Variants in IFT57 observed in about 807,000 individuals in gnomAD.
IFT57 encodes intraflagellar transport protein 57 homolog.
IFT57 carries 59 observed loss-of-function variants against 56.8 expected under a neutral mutation model. That is an observed-to-expected ratio of 1.04 (90% confidence interval 0.84 to 1.29). IFT57 has a LOEUF of 1.29. Among genes scored for constraint, IFT57 ranks in the 50% most tolerant of loss-of-function variants. The pLI, the probability that IFT57 is intolerant of heterozygous loss-of-function variation, is 0.00. For synonymous variants in IFT57, 209 were observed against 186.1 expected (o/e 1.12, Z -1.00); for missense variants, 470 against 522.1 (o/e 0.90, Z 0.97).
At chr3:108,164,318 G>A (rs938199190) in intron 9 of IFT57, among the ~76,000 whole-genome samples, 5 of 151,972 alleles carry the variant, frequency 3.3e-5, no homozygotes, top group African/African-American at 1.2e-4. Flanking sequence ...TCTATCTGGC[G>A]ATTATACTAC....
chr3:108,169,720 C>T (rs918434495), intron 6 of IFT57, among the ~76,000 whole-genome samples: 9 of 151,888 alleles, frequency 5.9e-5, no homozygotes, highest in Non-Finnish European at 1.2e-4. Flanking sequence ...CCAGTTTTAT[C>T]CCTGATGAAC....
In IFT57 at chr3:108,191,550, G is replaced by T. The variant is rs370528818; in HGVS notation, c.748C>A (p.Leu250Met). 9.3e-6 allele frequency: 15 copies of T among 1,604,304 alleles called. No homozygotes were observed. In the African/African-American group the frequency reaches 1.3e-4, roughly 14 times the overall value. ...TTGTCAGTCCTAATCGTGACTTTCAGTTGCGGTAGTACACGTTCCACTTCT... is the reference window on the plus strand; with the variant it reads ...TTGTCAGTCCTAATCGTGACTTTCATTTGCGGTAGTACACGTTCCACTTCT... Reference protein sequence around the residue: ...SLEVERVLPQLKVTIRTDNKD... With the variant: ...SLEVERVLPQMKVTIRTDNKD... The change falls in exon 6 of 11, where the codon CTG (leucine) becomes ATG (methionine). Residue 250 changes from leucine to methionine, a missense_variant. Transcript: ENST00000264538.
intron 4 of IFT57, among the ~76,000 whole-genome samples, chr3:108,211,608 A>G (rs2080342939): frequency 1.3e-5 from 2 of 152,262 alleles, no homozygotes; most frequent in Non-Finnish European, 2.9e-5. Context: ...CAATAAGTAT[A>G]TGCAGAATGA....
chr3:108,198,743 G>A (rs1013122610), intron 5 of IFT57, among the ~76,000 whole-genome samples: 3 of 152,046 alleles, frequency 2.0e-5, no homozygotes, highest in African/African-American at 7.2e-5. Flanking sequence ...ACTCGGCCTC[G>A]TGTTTTTATT....
chr3:108,172,187 G>A (rs1038391031), intron 6 of IFT57, among the ~76,000 whole-genome samples: 1 of 151,828 alleles, frequency 6.6e-6, no homozygotes, highest in Non-Finnish European at 1.5e-5. Flanking sequence ...CTCGAAGCAT[G>A]AGTAGCATTT....
intron 6 of IFT57, among the ~76,000 whole-genome samples, chr3:108,173,733 ATTG>A (rs1042393308): frequency 2.0e-5 from 3 of 150,540 alleles, no homozygotes; most frequent in African/African-American, 7.3e-5. Flanking sequence ...AAGTCGAAAA[ATTG>A]TTAAGTTGAA....
rs199895727 is a variant in IFT57, at chr3:108,213,881, G to A, written c.585+50C>T. ...AAGTCTGGGGGAAATTAAGAGAATG[G>A]GAAGTGGCCGAAAGGTGAAAATGAA... is the stretch of plus-strand genomic sequence containing the variant. On this transcript the variant is annotated intron_variant, in intron 4 of 10. Transcript: ENST00000264538. 3.2e-3 allele frequency: 3,276 copies of A among 1,029,880 alleles called. 20 individuals are homozygous for A. The highest frequency in any genetic ancestry group is 3.5e-3 in the Non-Finnish European group (2,334 of 662,456). 63.8% of individuals were successfully genotyped at this position (1,029,880 alleles called of 1,614,324 possible).
At position 108,206,161 on chromosome 3, in the gene IFT57, T is replaced by G. The variant is rs1189345145; in HGVS notation, c.654+467A>C. Among the ~76,000 whole-genome samples, 7 of 145,030 alleles carry G rather than the reference T, an allele frequency of 4.8e-5. No homozygotes were observed. In the East Asian group the frequency reaches 1.4e-3, roughly 28 times the overall value. On this transcript the variant is annotated intron_variant, in intron 5 of 10. Transcript: ENST00000264538. Reference sequence around the variant, plus strand: ...GAAATATCTCATTGTATATGTACTTTTATAGATTAGATTTATTTCATAATT... The same window carrying G: ...GAAATATCTCATTGTATATGTACTTGTATAGATTAGATTTATTTCATAATT...
chr3:108,187,425 T>C (rs1434581868), intron 6 of IFT57, among the ~76,000 whole-genome samples: 1 of 152,128 alleles, frequency 6.6e-6, no homozygotes. Flanking sequence ...GCACATACAT[T>C]GAAATACATA....
rs572078973 is a variant in IFT57 at position 108,191,453 on chromosome 3, A to G, written c.777+68T>C. The G allele has an allele frequency of 3.7e-5, 39 of 1,063,758 alleles. No individual in the cohort carries two copies. The African/African-American group carries it at 6.0e-4, about 16-fold the overall frequency. 65.9% of individuals were successfully genotyped at this position (1,063,758 alleles called of 1,614,324 possible). ...TTTAATAATTTTTATAATTGGGAGT[A>G]CCCCTAACCCTGAAGTTTCCTTATA... On this transcript the variant is annotated intron_variant, in intron 6 of 10. Coordinates refer to ENST00000264538, the MANE Select transcript of IFT57 (RefSeq NM_018010.4).
At chr3:108,209,480 G>T (rs1412868055) in intron 4 of IFT57, among the ~76,000 whole-genome samples, 1 of 152,148 alleles carries the variant, frequency 6.6e-6, no homozygotes, top group Non-Finnish European at 1.5e-5. Flanking sequence ...ACAAGGGGTC[G>T]ACTTTTGATG....
intron 6 of IFT57, among the ~76,000 whole-genome samples, chr3:108,187,021 A>G (rs1188701565): frequency 6.6e-6 from 1 of 152,212 alleles, no homozygotes; most frequent in Non-Finnish European, 1.5e-5. Context: ...GTAAGCTATT[A>G]GTAGGTAAGT....
At chr3:108,208,318 C>G (rs1353718004) in intron 4 of IFT57, among the ~76,000 whole-genome samples, 2 of 152,150 alleles carry the variant, frequency 1.3e-5, no homozygotes, top group Non-Finnish European at 2.9e-5. Flanking sequence ...TAGTAAGAGT[C>G]TACTTAACAA....
At chr3:108,165,530 AAGC>A in intron 8 of IFT57, 37 bp from the exon 9 acceptor site, 1 of 1,536,208 alleles carries the variant, frequency 6.5e-7, no homozygotes, top group Non-Finnish European at 9.0e-7. Context: ...GGCAAATTCA[AAGC>A]AGCAGCAGAT....
intron 6 of IFT57, among the ~76,000 whole-genome samples, chr3:108,174,705 G>A (rs571365272): frequency 6.6e-6 from 1 of 151,764 alleles, no homozygotes; most frequent in Non-Finnish European, 1.5e-5. Context: ...CCAGGATTGT[G>A]CAGAAGCTGT....
intron 5 of IFT57, among the ~76,000 whole-genome samples, chr3:108,198,379 A>T (rs994696469): frequency 3.9e-5 from 6 of 152,098 alleles, no homozygotes; most frequent in Admixed American, 2.0e-4. Context: ...GTCATGCTTA[A>T]TTATGCCTAC....
intron 5 of IFT57, among the ~76,000 whole-genome samples, chr3:108,196,756 T>C (rs780838273): frequency 6.6e-6 from 1 of 152,132 alleles, no homozygotes; most frequent in Non-Finnish European, 1.5e-5. Flanking sequence ...AAAGAGAACA[T>C]TAGGTTTGGC....
At chr3:108,167,358 T>C (rs1352973188) in intron 7 of IFT57, among the ~76,000 whole-genome samples, 2 of 151,938 alleles carry the variant, frequency 1.3e-5, no homozygotes, top group Non-Finnish European at 2.9e-5. Context: ...TCCCTAAGCC[T>C]ATAGCTCTAG....
At chr3:108,218,003 AAATAT>A (rs57779139) in intron 3 of IFT57, among the ~76,000 whole-genome samples, 1 of 150,052 alleles carries the variant, frequency 6.7e-6, no homozygotes, top group Admixed American at 6.6e-5. Flanking sequence ...ACCATAGGAT[AAATAT>A]AATATAATAA....
Sources: gnomAD v4.1 joint callset for allele counts (sites outside exome capture counted in the v4.1 genomes callset) on GRCh38, gnomAD v4.1.1 for gene constraint, MANE v1.5 for transcripts, NCBI Gene and HGNC (gene_info 2026-07-23, HGNC 2026-07-21) for gene names.